Variants in PTPRD observed in about 807,000 individuals in gnomAD.
The protein encoded by PTPRD is receptor-type tyrosine-protein phosphatase delta.
A neutral mutation model predicts 214.5 loss-of-function variants in PTPRD; 34 were observed. That is an observed-to-expected ratio of 0.16 (90% CI 0.12 to 0.21). The LOEUF is 0.21. PTPRD is among the 10% of genes least tolerant of loss of function. The pLI, the probability that PTPRD is intolerant of heterozygous loss-of-function variation, is 1.00. For synonymous variants in PTPRD, 1,128 were observed against 845.7 expected (o/e 1.33, Z -5.79); for missense variants, 2,545 against 2,398.7 (o/e 1.06, Z -1.27).
chr9:9,286,711 G>A (rs1377020820), intron 9 of PTPRD, among the ~76,000 whole-genome samples: 1 of 150,032 alleles, frequency 6.7e-6, no homozygotes, highest in Admixed American at 6.7e-5. Context: ...TAATTTCACT[G>A]TAGTTGTCAT....
Position 10,426,732 on chromosome 9 carries a change from T to G in PTPRD, c.-599-85715A>C, listed in dbSNP as rs552374947. Reference sequence around the variant, plus strand: ...TGCATTTACCTGAAGTGGACTATAGTTTTTTTGCAGAGGCAGAGATGAAAA... The same window carrying G: ...TGCATTTACCTGAAGTGGACTATAGGTTTTTTGCAGAGGCAGAGATGAAAA... On this transcript the variant is annotated intron_variant, in intron 2 of 45. Transcript: ENST00000381196. Among the ~76,000 whole-genome samples the G allele has an allele frequency of 5.3e-5, 8 of 152,130 alleles. No individual in the cohort carries two copies. The South Asian group carries it at 1.2e-3, about 24-fold the overall frequency.
chr9:8,324,066 A>T (rs1172715484), intron 44 of PTPRD, among the ~76,000 whole-genome samples: 1 of 151,884 alleles, frequency 6.6e-6, no homozygotes, highest in Non-Finnish European at 1.5e-5. Flanking sequence ...CAGCAAAAAG[A>T]TTAAAACTTA....
rs1332978599 is a variant in PTPRD at position 9,190,003 on chromosome 9, T to G, written c.-202-6640A>C. ...TGCCCCTTCCTCGCTCCTGGCACAG[T>G]GATGTTGGAGACTTTCTGAGTGAGG... On this transcript the variant is annotated intron_variant, in intron 9 of 45. Coordinates refer to ENST00000381196, the MANE Select transcript of PTPRD (RefSeq NM_002839.4). Among the ~76,000 whole-genome samples, 3 of 151,928 alleles carry G rather than the reference T, an allele frequency of 2.0e-5. No homozygotes were observed. The East Asian group carries it at 5.8e-4, about 29-fold the overall frequency.
intron 7 of PTPRD, among the ~76,000 whole-genome samples, chr9:9,689,279 C>T (rs1225183576): frequency 1.3e-5 from 2 of 151,698 alleles, no homozygotes; most frequent in African/African-American, 4.8e-5. Context: ...AATATGGTAA[C>T]ATCTTCAAAA....
At chr9:9,346,049 G>C (rs1348359358) in intron 9 of PTPRD, among the ~76,000 whole-genome samples, 2 of 152,052 alleles carry the variant, frequency 1.3e-5, no homozygotes, top group African/African-American at 4.8e-5. Flanking sequence ...TATAGAATAG[G>C]GGCCGTGTTC....
intron 10 of PTPRD, among the ~76,000 whole-genome samples, chr9:9,098,310 G>A (rs1284847245): frequency 6.6e-6 from 1 of 152,032 alleles, no homozygotes; most frequent in Admixed American, 6.6e-5. Context: ...GGGCTGAAGT[G>A]CAGTGGTGTG....
intron 11 of PTPRD, among the ~76,000 whole-genome samples, chr9:8,817,048 T>C (rs2096934674): frequency 6.6e-6 from 1 of 152,226 alleles, no homozygotes; most frequent in Non-Finnish European, 1.5e-5. Flanking sequence ...ATGAACCCCT[T>C]TGATTAAAGA....
intron 11 of PTPRD, among the ~76,000 whole-genome samples, chr9:8,832,555 C>G (rs2097319085): frequency 6.6e-6 from 1 of 151,514 alleles, no homozygotes; most frequent in Admixed American, 6.6e-5. Context: ...CCCAACTGAA[C>G]GAGGTCACAA....
intron 2 of PTPRD, among the ~76,000 whole-genome samples, chr9:10,456,388 T>C (rs1464948480): frequency 6.6e-6 from 1 of 151,952 alleles, no homozygotes; most frequent in Non-Finnish European, 1.5e-5. Context: ...CATGATGGTG[T>C]TGGTTAGCAC....
chr9:9,523,193 C>T (rs2097031804), intron 8 of PTPRD, among the ~76,000 whole-genome samples: 1 of 151,976 alleles, frequency 6.6e-6, no homozygotes, highest in Non-Finnish European at 1.5e-5. Context: ...AATATATTGT[C>T]ATAGAACAAT....
intron 11 of PTPRD, among the ~76,000 whole-genome samples, chr9:8,845,990 C>G (rs1406674530): frequency 6.6e-6 from 1 of 152,136 alleles, no homozygotes; most frequent in Non-Finnish European, 1.5e-5. Context: ...TCATGCCAGG[C>G]AATTGCTTTT....
chr9:8,649,042 T>C (rs1596045406), intron 12 of PTPRD, among the ~76,000 whole-genome samples: 1 of 152,310 alleles, frequency 6.6e-6, no homozygotes, highest in African/African-American at 2.4e-5. Context: ...AAAAGGAACA[T>C]GAGAGCGGAT....
chr9:10,534,294 G>C (rs2057213285), intron 2 of PTPRD, among the ~76,000 whole-genome samples: 1 of 151,840 alleles, frequency 6.6e-6, no homozygotes, highest in Non-Finnish European at 1.5e-5. Flanking sequence ...CAGCATATTA[G>C]ATAAATTCTC....
rs180974174 is a variant in PTPRD, at chr9:9,948,938, A to T, written c.-471-10328T>A. ...AATAAAGCAGTAGCATTATCTAAATAAATTAATATTACAGTGCAATGAGAA... is the reference window on the plus strand; with the variant it reads ...AATAAAGCAGTAGCATTATCTAAATTAATTAATATTACAGTGCAATGAGAA... On this transcript the variant is annotated intron_variant, in intron 4 of 45. Coordinates refer to ENST00000381196, the MANE Select transcript of PTPRD (RefSeq NM_002839.4). Among the ~76,000 whole-genome samples the T allele has an allele frequency of 6.8e-4, 104 of 152,234 alleles. No homozygotes were observed. The Middle Eastern group carries it at 0.024, about 35-fold the overall frequency.
chr9:10,132,944 C>A (rs996356250), intron 3 of PTPRD, among the ~76,000 whole-genome samples: 1 of 109,368 alleles, frequency 9.1e-6, no homozygotes, highest in Non-Finnish European at 1.9e-5. Context: ...GATGATATGT[C>A]ACTTCCAAGA....
At chr9:9,625,645 T>C (rs1378648490) in intron 7 of PTPRD, among the ~76,000 whole-genome samples, 3 of 151,496 alleles carry the variant, frequency 2.0e-5, no homozygotes, top group Admixed American at 6.6e-5. Flanking sequence ...AAGTCTGAGA[T>C]AGTCACCATT....
At position 8,940,280 on chromosome 9, in the gene PTPRD, C is replaced by CCTTTGT. The variant is rs763715400; in HGVS notation, c.-104+78416_-104+78417insACAAAG. On this transcript the variant is annotated intron_variant, in intron 11 of 45. Coordinates refer to ENST00000381196, the MANE Select transcript of PTPRD (RefSeq NM_002839.4). Reference sequence around the variant, plus strand: ...TCACACATCTCTCTCTCTCTCTCTCCTTTTTTTTTTTTTTTTTTTTGAGAT... The same window carrying CCTTTGT: ...TCACACATCTCTCTCTCTCTCTCTCCCTTTGTTTTTTTTTTTTTTTTTTTTTGAGAT... 6.3e-3 allele frequency among the ~76,000 whole-genome samples: 560 copies of CCTTTGT among 89,040 alleles called. 56 individuals are homozygous for CCTTTGT. The highest frequency in any genetic ancestry group is 0.015 in the African/African-American group (339 of 22,900). The allele number at this position is 89,040 out of a possible 152,430, so 58.4% of individuals were successfully genotyped here.
chr9:9,747,487 T>C (rs1228449854), intron 6 of PTPRD, among the ~76,000 whole-genome samples: 2 of 151,910 alleles, frequency 1.3e-5, no homozygotes, highest in Non-Finnish European at 2.9e-5. Flanking sequence ...TTGAATATAC[T>C]ATTTGGGGAA....
intron 7 of PTPRD, among the ~76,000 whole-genome samples, chr9:9,634,765 T>A (rs2095702846): frequency 6.6e-6 from 1 of 152,172 alleles, no homozygotes; most frequent in Non-Finnish European, 1.5e-5. Context: ...TTAATTTGAA[T>A]GTGTATAGAG....
Sources: gnomAD v4.1 joint callset for allele counts (sites outside exome capture counted in the v4.1 genomes callset) on GRCh38, gnomAD v4.1.1 for gene constraint, MANE v1.5 for transcripts, NCBI Gene and HGNC (gene_info 2026-07-23, HGNC 2026-07-21) for gene names.